Variants in LTK observed in about 807,000 individuals in gnomAD.
The protein encoded by LTK is leukocyte receptor tyrosine kinase.
Under a neutral mutation model 101.5 loss-of-function variants are expected in LTK, and 117 were observed. The ratio of observed to expected loss-of-function variants is 1.15; its 90% CI spans 0.99 to 1.34. The LOEUF (loss-of-function observed/expected upper bound fraction) is 1.34, where lower values mean the gene tolerates loss of function less well. LTK is among the 40% of genes most tolerant of loss of function. The pLI is 0.00. For missense variants in LTK, 1,252 were observed against 1,164.7 expected, an observed-to-expected ratio of 1.07 and a Z score of -1.09; for synonymous variants, 563 against 494.2, an observed-to-expected ratio of 1.14 and a Z score of -1.85.
At position 41,513,004 on chromosome 15, in the gene LTK, C is replaced by G; in HGVS notation, c.160G>C (p.Glu54Gln). ...PKVSAPPSIL[E>Q]PASPLNSPGT... is the part of the protein sequence containing the mutation. ...GGAGAATTCAGCGGGGAGGCTGGCT[C>G]CAAGATACTAGGCGGGGCGCTGACT... The change falls in exon 2 of 20, where the codon GAG becomes CAG. Residue 54 changes from glutamate (E) to glutamine (Q), a missense_variant. Glu to Gln is a conservative substitution (Grantham distance 29). Transcript: ENST00000263800. 1 of 1,613,580 alleles carries G rather than the reference C, an allele frequency of 6.2e-7. No homozygotes were observed. Among genetic ancestry groups the G allele is most frequent in the Non-Finnish European group, 8.5e-7 (1 of 1,179,928 alleles).
In LTK at chr15:41,504,023, G is replaced by C; in HGVS notation, c.2568C>G (p.Asn856Lys). The change falls in exon 20 of 20, where the codon AAC becomes AAG. Residue 856 changes from asparagine to lysine, a missense_variant. Asn to Lys is a moderately conservative substitution (Grantham distance 94, BLOSUM62 0). Coordinates refer to ENST00000263800, the MANE Select transcript of LTK (RefSeq NM_002344.6). ...PLKSRGLQPQ[N>K]LWNPTYRS ...AGGAGCGATAAGTGGGATTCCAAAGGTTCTGAGGTTGGAGGCCCCTGGATT... is the reference window on the plus strand; with the variant it reads ...AGGAGCGATAAGTGGGATTCCAAAGCTTCTGAGGTTGGAGGCCCCTGGATT... 5 of 1,610,958 alleles carry C rather than the reference G, an allele frequency of 3.1e-6. No individual in the cohort carries two copies. In the South Asian group the frequency reaches 5.5e-5, roughly 18 times the overall value.
At position 41,513,130 on chromosome 15, in the gene LTK, G is replaced by T; in HGVS notation, c.44-10C>A. On this transcript the variant is annotated splice_polypyrimidine_tract_variant and intron_variant, in intron 1 of 19. Coordinates refer to ENST00000263800, the MANE Select transcript of LTK (RefSeq NM_002344.6). ...GAGCAGAGAATGGCGCCTGAAAGGT[G>T]TTGGGAGAAGGCGCAGGACGTTAAG... 1 of 1,589,310 alleles carries T rather than the reference G, an allele frequency of 6.3e-7. No homozygotes were observed. The highest frequency in any genetic ancestry group is 1.7e-4 in the Middle Eastern group (1 of 5,990).
chr15:41,505,102 G>C, intron 15 of LTK, 38 bp from the exon 16 acceptor site: 6 of 1,588,504 alleles, frequency 3.8e-6, no homozygotes, highest in Non-Finnish European at 5.2e-6. Flanking sequence ...CCAGAATCTA[G>C]AAGTTCTTGC....
intron 7 of LTK, among the ~76,000 whole-genome samples, chr15:41,509,767 G>A (rs1316727989): frequency 6.6e-6 from 1 of 152,004 alleles, no homozygotes; most frequent in East Asian, 2.0e-4. Flanking sequence ...GCTGAGGCAG[G>A]AGAATTGCTT....
At position 41,511,541 on chromosome 15, in the gene LTK, G is replaced by A. The variant is rs1208515845; in HGVS notation, c.695C>T (p.Ala232Val). 1.4e-6 allele frequency: 2 copies of A among 1,455,234 alleles called. No homozygotes were observed. The highest frequency in any genetic ancestry group is 1.8e-6 in the Non-Finnish European group (2 of 1,116,368). 90.1% of individuals were successfully genotyped at this position (1,455,234 alleles called of 1,614,324 possible). Residue 232 changes from alanine to valine, a missense_variant, in exon 6 of 20, where the codon GCC becomes GTC. Physicochemically the swap from Ala to Val is moderately conservative, Grantham distance 64. Coordinates refer to ENST00000263800, the MANE Select transcript of LTK (RefSeq NM_002344.6). This position sits in a 1 kb window ranked among gnomAD's most constrained non-coding sequence, Gnocchi z 5.9. ...AGELEPLLVA[A>V]GGGGRAYLRP... ...CAGGTAGGCCCGACCGCCGCCTCCG[G>A]CCGCCACCAGCAACGGTTCCAGCTC...
chr15:41,508,978 G>T, intron 8 of LTK, 53 bp downstream of exon 8: 1 of 1,254,272 alleles, frequency 8.0e-7, no homozygotes, highest in Non-Finnish European at 1.1e-6. Flanking sequence ...AGTGGGCTCA[G>T]GGACTGCGGA....
At position 41,507,297 on chromosome 15, in the gene LTK, G is replaced by A. The variant is rs187420785; in HGVS notation, c.1346-7C>T. ...TGCCACTTCTTCTGCTTCACTGGGGGTGGGAAGAATAACGGCACACCCTCC... is the reference window on the plus strand; with the variant it reads ...TGCCACTTCTTCTGCTTCACTGGGGATGGGAAGAATAACGGCACACCCTCC... On this transcript the variant is annotated splice_polypyrimidine_tract_variant and splice_region_variant and intron_variant, in intron 10 of 19. Transcript: ENST00000263800. The A allele has an allele frequency of 3.8e-4, 606 of 1,590,580 alleles. 8 individuals are homozygous for A. The East Asian group carries it at 0.013, about 34-fold the overall frequency.
rs1308941111 is a variant in LTK at position 41,511,884 on chromosome 15, C to A, written c.590G>T (p.Gly197Val). Residue 197 changes from glycine to valine, a missense_variant, in exon 5 of 20, where the codon GGG (glycine) becomes GTG (valine). Coordinates refer to ENST00000263800, the MANE Select transcript of LTK (RefSeq NM_002344.6). This position sits in a 1 kb window ranked among gnomAD's most constrained non-coding sequence, Gnocchi z 5.9. ...EEHAAMDGSE[G>V]VPGSRRWAGG... The stretch of plus-strand genomic sequence containing the variant: ...CGCCCAGCGCCGCGACCCCGGGACC[C>A]CTTCGCTCCCATCCATCGCCGCGTG... The A allele has an allele frequency of 2.7e-6, 4 of 1,480,010 alleles. No individual in the cohort carries two copies. The South Asian group carries it at 4.0e-5, about 15-fold the overall frequency. 91.7% of individuals were successfully genotyped at this position (1,480,010 alleles called of 1,614,324 possible).
chr15:41,505,707 G>A lies in LTK; in HGVS notation c.1697+6C>T. Reference sequence around the variant, plus strand: ...CTTCCAGCCCTGCCCCTGGTCCCAGGTGCACCTGATGATGAGGGCCTCCAT... The same window carrying A: ...CTTCCAGCCCTGCCCCTGGTCCCAGATGCACCTGATGATGAGGGCCTCCAT... On this transcript the variant is annotated splice_donor_region_variant and intron_variant, in intron 13 of 19. Transcript: ENST00000263800. 1 of 1,613,660 alleles carries A rather than the reference G, an allele frequency of 6.2e-7. No individual in the cohort carries two copies. The highest frequency in any genetic ancestry group is 1.1e-5 in the South Asian group (1 of 91,028).
chr15:41,503,915 A>G lies in LTK; in HGVS notation c.*81T>C, dbSNP rs1595452831. ...ACTGCAGGGAACAGAGGCCGCTGGC[A>G]TAACAGGCCACCCAGGAGCCTGAGG... On this transcript the variant is annotated 3_prime_UTR_variant, in exon 20 of 20. Transcript: ENST00000263800. The G allele has an allele frequency of 2.7e-6, 4 of 1,472,152 alleles. No individual in the cohort carries two copies. The highest frequency in any genetic ancestry group is 3.6e-6 in the Non-Finnish European group (4 of 1,102,402). The allele number at this position is 1,472,152 out of a possible 1,614,324, so 91.2% of individuals were successfully genotyped here. A position where few individuals can be genotyped will look rare whatever the true frequency, so the allele number is the denominator to read the frequency against.
rs1296488365 is a variant in LTK at position 41,504,063 on chromosome 15, C to T, written c.2528G>A (p.Gly843Asp). 8.7e-6 allele frequency: 14 copies of T among 1,613,742 alleles called. No homozygotes were observed. The highest frequency in any genetic ancestry group is 1.1e-5 in the Non-Finnish European group (13 of 1,180,004). ...GCCCCTGGATTTGAGGGGCTTGAGG[C>T]CAGAGGACAGCCAGGGGCCAAGAGG... ...GSPLGPWLSS[G>D]LKPLKSRGLQ... Residue 843 changes from glycine to aspartate, a missense_variant, in exon 20 of 20, where the codon GGC becomes GAC. Coordinates refer to ENST00000263800, the MANE Select transcript of LTK (RefSeq NM_002344.6).
At position 41,503,895 on chromosome 15, in the gene LTK, A is replaced by G; in HGVS notation, c.*101T>C. ...GGCCCAGACACACAGCACAGACTGCAGGGAACAGAGGCCGCTGGCATAACA... is the reference window on the plus strand; with the variant it reads ...GGCCCAGACACACAGCACAGACTGCGGGGAACAGAGGCCGCTGGCATAACA... On this transcript the variant is annotated 3_prime_UTR_variant, in exon 20 of 20. Coordinates refer to ENST00000263800, the MANE Select transcript of LTK (RefSeq NM_002344.6). The G allele has an allele frequency of 7.5e-7, 1 of 1,327,332 alleles. No homozygotes were observed. 82.2% of individuals were successfully genotyped at this position (1,327,332 alleles called of 1,614,324 possible).
intron 8 of LTK, among the ~76,000 whole-genome samples, chr15:41,508,620 C>T (rs1294995312): frequency 6.6e-6 from 1 of 151,814 alleles, no homozygotes; most frequent in Non-Finnish European, 1.5e-5. Flanking sequence ...CCTTTTCCAG[C>T]CACATGGTTA....
rs552191958 is a variant in LTK, at chr15:41,513,467, C to T, written c.43+200G>A. Among the ~76,000 whole-genome samples the T allele has an allele frequency of 2.0e-5, 3 of 152,374 alleles. No individual in the cohort carries two copies. In the East Asian group the frequency reaches 5.8e-4, roughly 29 times the overall value. On this transcript the variant is annotated intron_variant, in intron 1 of 19. Coordinates refer to ENST00000263800, the MANE Select transcript of LTK (RefSeq NM_002344.6). ...CCAAAGAATGTTCCTCCTTCCCAAG[C>T]TGCGTGATCCAGACTCTGGGATTCG...
chr15:41,504,849 G>A lies in LTK; in HGVS notation c.2044C>T (p.Arg682Trp), dbSNP rs748131904. 2.2e-4 allele frequency: 356 copies of A among 1,612,902 alleles called. No homozygotes were observed. The highest frequency in any genetic ancestry group is 2.5e-4 in the Non-Finnish European group (300 of 1,179,676). ...ATCCACTTGACTGGGAGCAAGGCCC[G>A]GTCCCCCCTGCGGTAATAACTGGCC... ...YRASYYRRGD[R>W]ALLPVKWMPP... The change falls in exon 17 of 20, where the codon CGG (arginine) becomes TGG (tryptophan). Residue 682 changes from arginine (R) to tryptophan (W), a missense_variant. Coordinates refer to ENST00000263800, the MANE Select transcript of LTK (RefSeq NM_002344.6).
At chr15:41,507,452 C>T (rs2051324003) in intron 10 of LTK, 110 bp downstream of exon 10, 1 of 1,551,720 alleles carries the variant, frequency 6.4e-7, no homozygotes, top group African/African-American at 1.4e-5. Flanking sequence ...TACCACGGCT[C>T]TGCTGCGGTG....
In LTK at chr15:41,511,752, G is replaced by A; in HGVS notation, c.657+65C>T. 5.5e-6 allele frequency: 8 copies of A among 1,449,008 alleles called. No homozygotes were observed. Among genetic ancestry groups the A allele is most frequent in the Non-Finnish European group, 7.2e-6 (8 of 1,112,424 alleles). 89.8% of individuals were successfully genotyped at this position (1,449,008 alleles called of 1,614,324 possible). ...GACCCCAAGGGACGGACGGAGAGCC[G>A]GTGCGTGAGCGCCCCTGGGGAGAGG... is the stretch of plus-strand genomic sequence containing the variant. On this transcript the variant is annotated intron_variant, in intron 5 of 19. Coordinates refer to ENST00000263800, the MANE Select transcript of LTK (RefSeq NM_002344.6). The surrounding 1 kb of genome is among the most constrained non-coding windows in gnomAD (Gnocchi z 5.9).
Position 41,513,744 on chromosome 15 carries a change from C to T in LTK, c.-35G>A. Reference sequence around the variant, plus strand: ...GTCCACCCGGCAACAAAAGCCCTTGCGGTCGCGGCCACACCCCTGTCAACC... The same window carrying T: ...GTCCACCCGGCAACAAAAGCCCTTGTGGTCGCGGCCACACCCCTGTCAACC... On this transcript the variant is annotated 5_prime_UTR_variant, in exon 1 of 20. Coordinates refer to ENST00000263800, the MANE Select transcript of LTK (RefSeq NM_002344.6). 2 of 1,598,002 alleles carry T rather than the reference C, an allele frequency of 1.3e-6. No individual in the cohort carries two copies. Among genetic ancestry groups the T allele is most frequent in the Non-Finnish European group, 1.7e-6 (2 of 1,165,890 alleles).
At chr15:41,507,365 C>A in intron 10 of LTK, 75 bp from the exon 11 acceptor site, 1 of 1,471,588 alleles carries the variant, frequency 6.8e-7, no homozygotes, top group South Asian at 1.3e-5. Flanking sequence ...CCAGGACACC[C>A]CTCCAGATGC....
Sources: gnomAD v4.1 joint callset for allele counts (sites outside exome capture counted in the v4.1 genomes callset) on GRCh38, gnomAD v4.1.1 for gene constraint, Gnocchi (gnomAD v3.1) non-coding constraint, MANE v1.5 for transcripts, NCBI Gene and HGNC (gene_info 2026-07-23, HGNC 2026-07-21) for gene names.